ST6GALNAC3: variants seen among roughly 807,000 people sequenced by gnomAD.
ST6GALNAC3 encodes alpha-N-acetylgalactosaminide alpha-2,6-sialyltransferase 3.
Under a neutral mutation model 32.7 loss-of-function variants are expected in ST6GALNAC3, and 25 were observed. The observed-to-expected ratio is 0.76, with a 90% confidence interval of 0.56 to 1.07. The LOEUF (loss-of-function observed/expected upper bound fraction) is 1.07, where lower values mean the gene tolerates loss of function less well. Ranked by LOEUF, ST6GALNAC3 falls within the 50% of genes least tolerant of loss-of-function variation. ST6GALNAC3 has a pLI of 0.00. For missense variants in ST6GALNAC3, 355 were observed against 382.4 expected (o/e 0.93, Z 0.60); for synonymous variants, 129 against 133.1 (o/e 0.97, Z 0.21).
At chr1:76,238,874 T>C (rs1313861433) in intron 1 of ST6GALNAC3, among the ~76,000 whole-genome samples, 1 of 152,138 alleles carries the variant, frequency 6.6e-6, no homozygotes, top group African/African-American at 2.4e-5. Context: ...TATTCAGGTA[T>C]TTAAAGTCTT....
At chr1:76,343,722 A>G (rs147339896) in intron 2 of ST6GALNAC3, among the ~76,000 whole-genome samples, 12 of 152,362 alleles carry the variant, frequency 7.9e-5, no homozygotes, top group African/African-American at 2.9e-4. Flanking sequence ...AGTGAAGACA[A>G]AACAAGTCCT....
At chr1:76,211,607 T>TA (rs145780362) in intron 1 of ST6GALNAC3, among the ~76,000 whole-genome samples, 107,668 of 151,868 alleles carry the variant, frequency 0.71, 40,396 homozygotes, top group East Asian at 0.93. Context: ...TATGCAGCCA[T>TA]AAAAATGATG....
At chr1:76,338,860 C>T (rs1647722877) in intron 2 of ST6GALNAC3, among the ~76,000 whole-genome samples, 1 of 152,168 alleles carries the variant, frequency 6.6e-6, no homozygotes, top group Non-Finnish European at 1.5e-5. Flanking sequence ...AAGGTGTGGG[C>T]ATCACATCTG....
chr1:76,356,332 A>T, intron 2 of ST6GALNAC3, among the ~76,000 whole-genome samples: 1 of 152,034 alleles, frequency 6.6e-6, no homozygotes, highest in East Asian at 1.9e-4. Flanking sequence ...ATCCAAATAT[A>T]AAGGCCAAAA....
At chr1:76,134,296 C>T (rs575500994) in intron 1 of ST6GALNAC3, among the ~76,000 whole-genome samples, 3 of 152,342 alleles carry the variant, frequency 2.0e-5, no homozygotes, top group Admixed American at 6.5e-5. Context: ...TGTATCCTTA[C>T]TCATTGAAAC....
chr1:76,477,203 T>A lies in ST6GALNAC3; in HGVS notation c.623+64786T>A, dbSNP rs74765829. 4.5e-3 allele frequency among the ~76,000 whole-genome samples: 662 copies of A among 147,636 alleles called. 2 individuals carry two copies. The highest frequency in any genetic ancestry group is 0.016 in the African/African-American group (636 of 39,754). On this transcript the variant is annotated intron_variant, in intron 3 of 4. Coordinates refer to ENST00000328299, the MANE Select transcript of ST6GALNAC3 (RefSeq NM_152996.4). ...TATCCTTGGATAACTGGAGACTAGA[T>A]CACATTCTTATCTTTTCATCCAGCA...
intron 1 of ST6GALNAC3, among the ~76,000 whole-genome samples, chr1:76,128,331 C>T (rs372755843): frequency 5.3e-5 from 8 of 152,194 alleles, no homozygotes; most frequent in African/African-American, 1.9e-4. Flanking sequence ...GAGAACACCC[C>T]GTTCCCTCCT....
chr1:76,251,223 C>T (rs1657596252), intron 1 of ST6GALNAC3, among the ~76,000 whole-genome samples: 1 of 152,088 alleles, frequency 6.6e-6, no homozygotes, highest in African/African-American at 2.4e-5. Context: ...ATTTACGTGA[C>T]TTCCTTTCTA....
intron 3 of ST6GALNAC3, among the ~76,000 whole-genome samples, chr1:76,414,620 G>C (rs1654491010): frequency 6.6e-6 from 1 of 152,024 alleles, no homozygotes; most frequent in South Asian, 2.1e-4. Flanking sequence ...GACACTAGTG[G>C]TGTAATGAGC....
At position 76,517,431 on chromosome 1, in the gene ST6GALNAC3, A is replaced by G. The variant is rs140046800; in HGVS notation, c.623+105014A>G. Reference sequence around the variant, plus strand: ...TTTTAAAATTTTATCTAACTTTTATATAGTTTTTCATAAACTTGTCAATTT... The same window carrying G: ...TTTTAAAATTTTATCTAACTTTTATGTAGTTTTTCATAAACTTGTCAATTT... On this transcript the variant is annotated intron_variant, in intron 3 of 4. Transcript: ENST00000328299. Among the ~76,000 whole-genome samples the G allele has an allele frequency of 1.8e-4, 28 of 151,934 alleles. 1 individual carries two copies. The highest frequency in any genetic ancestry group is 6.3e-4 in the African/African-American group (26 of 41,536).
intron 3 of ST6GALNAC3, among the ~76,000 whole-genome samples, chr1:76,592,648 G>GA (rs1285244213): frequency 1.3e-5 from 2 of 152,082 alleles, no homozygotes; most frequent in African/African-American, 4.8e-5. Flanking sequence ...CTTCACCTCA[G>GA]ACTTCCTGGT....
In ST6GALNAC3 at chr1:76,595,810, T is replaced by C. The variant is rs192140506; in HGVS notation, c.624-31642T>C. Among the ~76,000 whole-genome samples, 67 of 152,294 alleles carry C rather than the reference T, an allele frequency of 4.4e-4. No homozygotes were observed. In the Middle Eastern group the frequency reaches 0.01, roughly 23 times the overall value. On this transcript the variant is annotated intron_variant, in intron 3 of 4. Coordinates refer to ENST00000328299, the MANE Select transcript of ST6GALNAC3 (RefSeq NM_152996.4). Reference sequence around the variant, plus strand: ...CTTAAACTTTCTTTTTAAGGATATATAGATTTGATCTCTCTTTTACCCTCC... The same window carrying C: ...CTTAAACTTTCTTTTTAAGGATATACAGATTTGATCTCTCTTTTACCCTCC...
chr1:76,097,653 C>T (rs1011038719), intron 1 of ST6GALNAC3, among the ~76,000 whole-genome samples: 1 of 152,112 alleles, frequency 6.6e-6, no homozygotes, highest in Non-Finnish European at 1.5e-5. Context: ...TTATGAAGTT[C>T]ATCCATGTTG....
intron 3 of ST6GALNAC3, among the ~76,000 whole-genome samples, chr1:76,625,901 C>T (rs548181449): frequency 5.3e-5 from 8 of 151,982 alleles, no homozygotes; most frequent in African/African-American, 1.9e-4. Flanking sequence ...TAGGTAGTAA[C>T]ATTTCAGACT....
chr1:76,351,115 C>G (rs954152663), intron 2 of ST6GALNAC3, among the ~76,000 whole-genome samples: 3 of 152,088 alleles, frequency 2.0e-5, no homozygotes, highest in African/African-American at 7.2e-5. Flanking sequence ...GTGCGTGTCT[C>G]CATTCATACA....
At chr1:76,164,662 C>A (rs1017396004) in intron 1 of ST6GALNAC3, among the ~76,000 whole-genome samples, 1 of 152,064 alleles carries the variant, frequency 6.6e-6, no homozygotes, top group African/African-American at 2.4e-5. Context: ...TCTTTAAATA[C>A]ACTATTCAAA....
chr1:76,540,867 C>G (rs534668553), intron 3 of ST6GALNAC3, among the ~76,000 whole-genome samples: 83 of 152,268 alleles, frequency 5.5e-4, no homozygotes, highest in African/African-American at 1.9e-3. Context: ...AATAATAACA[C>G]TGACCTTTGC....
At chr1:76,496,559 G>T (rs1660859998) in intron 3 of ST6GALNAC3, among the ~76,000 whole-genome samples, 1 of 152,096 alleles carries the variant, frequency 6.6e-6, no homozygotes, top group Non-Finnish European at 1.5e-5. Context: ...GGCCCATGCT[G>T]TGCCTCACAC....
chr1:76,165,829 T>C (rs771190982), intron 1 of ST6GALNAC3, among the ~76,000 whole-genome samples: 1 of 152,218 alleles, frequency 6.6e-6, no homozygotes, highest in African/African-American at 2.4e-5. Context: ...TTGAAAAGTG[T>C]CTGTTCATGT....
Sources: allele counts gnomAD v4.1 joint callset (sites outside exome capture counted in the v4.1 genomes callset), GRCh38; gene constraint gnomAD v4.1.1; transcripts MANE v1.5; gene names NCBI Gene and HGNC (gene_info 2026-07-23, HGNC 2026-07-21).